NF1: variants seen among roughly 807,000 people sequenced by gnomAD.
The protein encoded by NF1 is neurofibromin 1.
A neutral mutation model predicts 325.7 loss-of-function variants in NF1; 122 were observed. The observed-to-expected ratio is 0.37, with a 90% CI of 0.32 to 0.44. The LOEUF (loss-of-function observed/expected upper bound fraction) is 0.44. NF1 is among the 20% of genes least tolerant of loss of function. The pLI is 1.00. For synonymous variants in NF1, 1,091 were observed against 1,186.0 expected, an observed-to-expected ratio of 0.92 and a Z score of 1.65; for missense variants, 2,140 against 3,415.4, an observed-to-expected ratio of 0.63 and a Z score of 9.31.
intron 4 of NF1, among the ~76,000 whole-genome samples, chr17:31,166,135 G>C (rs996510816): frequency 1.3e-5 from 2 of 152,080 alleles, no homozygotes; most frequent in Admixed American, 6.6e-5. Context: ...GTAGTGAGAA[G>C]GTGCTTCAGA....
Position 31,159,177 on chromosome 17 carries a change from A to G in NF1, c.288+84A>G, listed in dbSNP as rs1597630033. On this transcript the variant is annotated intron_variant, in intron 3 of 57. Coordinates refer to ENST00000358273, the MANE Select transcript of NF1 (RefSeq NM_001042492.3). ...ATGTCCCAAAGTACAGATGTGGACC[A>G]AGAGGACAGTCCTATGGACTTTTGT... 9.5e-6 allele frequency: 9 copies of G among 950,894 alleles called. No homozygotes were observed. The East Asian group carries it at 2.0e-4, about 21-fold the overall frequency. The allele number at this position is 950,894 out of a possible 1,614,324, so 58.9% of individuals were successfully genotyped here.
rs555902447 is a variant in NF1 at position 31,268,648 on chromosome 17, C to A, written c.4835+3309C>A. On this transcript the variant is annotated intron_variant, in intron 36 of 57. Coordinates refer to ENST00000358273, the MANE Select transcript of NF1 (RefSeq NM_001042492.3). ...CTAAAAAAAAAAAAAAAAAAGTGAC[C>A]ACTTGGTGCTGTTTCTTCATCAGGG... Among the ~76,000 whole-genome samples, 30 of 150,232 alleles carry A rather than the reference C, an allele frequency of 2.0e-4. No homozygotes were observed. In the East Asian group the frequency reaches 5.7e-3, roughly 28 times the overall value.
chr17:31,210,222 A>G (rs1317763109), intron 12 of NF1, among the ~76,000 whole-genome samples: 1 of 152,200 alleles, frequency 6.6e-6, no homozygotes, highest in Non-Finnish European at 1.5e-5. Flanking sequence ...TCTGATACAT[A>G]TTGGGCATTT....
intron 5 of NF1, among the ~76,000 whole-genome samples, chr17:31,172,422 T>C (rs1315925978): frequency 6.6e-6 from 1 of 152,112 alleles, no homozygotes; most frequent in African/African-American, 2.4e-5. Context: ...TATCAATCGA[T>C]ATGTGTATAT....
chr17:31,308,801 C>T (rs1179418816), intron 36 of NF1, among the ~76,000 whole-genome samples: 1 of 152,136 alleles, frequency 6.6e-6, no homozygotes, highest in Non-Finnish European at 1.5e-5. Context: ...TTCCCCCTAG[C>T]TCTCATTTAT....
intron 36 of NF1, among the ~76,000 whole-genome samples, chr17:31,267,077 A>G (rs1274756644): frequency 2.0e-5 from 3 of 151,996 alleles, no homozygotes; most frequent in East Asian, 1.9e-4. Context: ...GATTGCAGAC[A>G]TGTAGAACCA....
At chr17:31,184,606 C>T (rs1179891583) in intron 8 of NF1, among the ~76,000 whole-genome samples, 1 of 146,852 alleles carries the variant, frequency 6.8e-6, no homozygotes, top group South Asian at 2.1e-4. Context: ...GCCGAGATTG[C>T]GCCACTGCAC....
intron 8 of NF1, among the ~76,000 whole-genome samples, chr17:31,199,616 T>G (rs2066491299): frequency 6.6e-6 from 1 of 152,198 alleles, no homozygotes; most frequent in African/African-American, 2.4e-5. Context: ...GGAAGACATT[T>G]GTTAATGAAC....
chr17:31,133,666 T>C (rs1056718525), intron 1 of NF1: 1 of 152,250 alleles, frequency 6.6e-6, no homozygotes, highest in Non-Finnish European at 1.5e-5. Flanking sequence ...TCTTTTTTTT[T>C]ATTTTTTTGA....
intron 1 of NF1, among the ~76,000 whole-genome samples, chr17:31,106,396 A>G (rs1912867984): frequency 6.6e-6 from 1 of 152,132 alleles, no homozygotes; most frequent in African/African-American, 2.4e-5. Flanking sequence ...GGTGGTTATT[A>G]TTTCTACTCT....
rs771837192 is a variant in NF1, at chr17:31,327,801, C to A, written c.5571C>A (p.Ile1857=). 5.0e-6 allele frequency: 8 copies of A among 1,614,118 alleles called. No individual in the cohort carries two copies. The South Asian group carries it at 7.7e-5, about 16-fold the overall frequency. The change falls in exon 38 of 58, where the codon ATC becomes ATA. Residue 1857 remains isoleucine, a synonymous_variant. Coordinates refer to ENST00000358273, the MANE Select transcript of NF1 (RefSeq NM_001042492.3). ...ATGTCCCTGGGACACTGCTCAATAT[C>A]GCATTACTTAATTTAGGCAGTTCTG... ...PKDVPGTLLN[I]ALLNLGSSDP...
In NF1 at chr17:31,200,566, C is replaced by T. The variant is rs2066509404; in HGVS notation, c.1033C>T (p.Leu345Phe). ...NWEDNSVIFLLVQSMVVDLKN... is the reference protein window; with the variant it reads ...NWEDNSVIFLFVQSMVVDLKN... ...GGAAGATAACTCTGTCATTTTCCTA[C>T]TTGTTCAGTCCATGGTGGTTGATCT... The change falls in exon 9 of 58, where the codon CTT becomes TTT. Residue 345 changes from leucine to phenylalanine, a missense_variant. Leu to Phe is a conservative substitution (Grantham distance 22). This residue lies in a region of NF1 where 179 missense variants were observed against 381.0 expected (regional missense o/e 0.47). Transcript: ENST00000358273. 1.9e-6 allele frequency: 3 copies of T among 1,614,126 alleles called. No individual in the cohort carries two copies. The highest frequency in any genetic ancestry group is 2.5e-6 in the Non-Finnish European group (3 of 1,179,986).
intron 35 of NF1, among the ~76,000 whole-genome samples, chr17:31,262,974 G>A (rs1194288380): frequency 6.6e-6 from 1 of 152,084 alleles, no homozygotes; most frequent in African/African-American, 2.4e-5. Flanking sequence ...CTGGAGGCCA[G>A]GAGTTCAAGA....
In NF1 at chr17:31,226,660, T is replaced by G; in HGVS notation, c.2227T>G (p.Ser743Ala). Residue 743 changes from serine to alanine, a missense_variant, in exon 18 of 58, where the codon TCT (serine) becomes GCT (alanine). By Grantham distance (99) the Ser-to-Ala change is moderately conservative (BLOSUM62 1). Transcript: ENST00000358273. ...PNYNTFMEFA[S>A]VSNMMSTGRA... ...CTATAACACATTCATGGAGTTTGCC[T>G]CTGTCAGCAATATGATGTCAACAGG... 2 of 1,613,876 alleles carry G rather than the reference T, an allele frequency of 1.2e-6. No homozygotes were observed. The highest frequency in any genetic ancestry group is 1.7e-6 in the Non-Finnish European group (2 of 1,179,762).
intron 36 of NF1, among the ~76,000 whole-genome samples, chr17:31,287,465 A>G (rs2068252901): frequency 6.6e-6 from 1 of 152,190 alleles, no homozygotes; most frequent in Non-Finnish European, 1.5e-5. Flanking sequence ...TTTTGATCAG[A>G]CAAGAGCGAA....
intron 1 of NF1, among the ~76,000 whole-genome samples, chr17:31,149,857 C>T (rs1455379405): frequency 6.6e-6 from 1 of 152,130 alleles, no homozygotes; most frequent in Non-Finnish European, 1.5e-5. Flanking sequence ...TCTTACAAAG[C>T]CCTGTAGGTT....
chr17:31,318,233 G>C (rs1379646596), intron 36 of NF1: 7 of 1,519,894 alleles, frequency 4.6e-6, no homozygotes, highest in Non-Finnish European at 6.2e-6. Flanking sequence ...ACAACACTTT[G>C]GGATTAAATA....
intron 12 of NF1, among the ~76,000 whole-genome samples, chr17:31,213,769 T>C (rs1043388404): frequency 6.6e-6 from 1 of 152,198 alleles, no homozygotes; most frequent in Non-Finnish European, 1.5e-5. Flanking sequence ...GTTTTACAAA[T>C]GTTCTTCAGG....
chr17:31,206,477 T>C, intron 12 of NF1, 106 bp downstream of exon 12: 3 of 1,256,612 alleles, frequency 2.4e-6, no homozygotes, highest in Non-Finnish European at 2.3e-6. Flanking sequence ...ATTGAATGGG[T>C]CCTTCATTTC....
Sources: allele counts gnomAD v4.1 joint callset (sites outside exome capture counted in the v4.1 genomes callset), GRCh38; gene constraint gnomAD v4.1.1; regional missense constraint gnomAD v4.1.1; transcripts MANE v1.5; gene names NCBI Gene and HGNC (gene_info 2026-07-23, HGNC 2026-07-21).